Variants in TENM1 observed in about 807,000 individuals in gnomAD.
TENM1 encodes the protein teneurin transmembrane protein 1.
In TENM1, 35 loss-of-function variants were observed where a neutral mutation model predicts 174.8. That is an observed-to-expected ratio of 0.20 (90% CI 0.15 to 0.27). The LOEUF (loss-of-function observed/expected upper bound fraction) is 0.27. Ranked by LOEUF, TENM1 falls within the 10% of genes least tolerant of loss-of-function variation. The pLI is 1.00. For missense variants in TENM1, 1,633 were observed against 2,130.1 expected (o/e 0.77, Z 4.59); for synonymous variants, 781 against 798.7 (o/e 0.98, Z 0.37).
At chrX:124,567,974 G>C (rs2048977258) in intron 11 of TENM1, among the ~76,000 whole-genome samples, 1 of 112,114 alleles carries the variant, frequency 8.9e-6, no homozygotes, top group East Asian at 2.8e-4. Flanking sequence ...CTTAGGCATA[G>C]AGGAGTATAA....
intron 3 of TENM1, among the ~76,000 whole-genome samples, chrX:124,756,752 C>G (rs1242642114): frequency 8.9e-6 from 1 of 111,988 alleles, no homozygotes; most frequent in Non-Finnish European, 1.9e-5. Context: ...TGCTAGAGGT[C>G]CACTCCAGAC....
exon 17 of TENM1, chrX:124,523,493 T>C (rs147986342): frequency 6.6e-6 from 8 of 1,211,200 alleles, no homozygotes; most frequent in Non-Finnish European, 8.9e-6. Context: ...CTGATACAAC[T>C]CTCTGCATGG....
chrX:124,390,800 T>C (rs2060274154), intron 28 of TENM1, among the ~76,000 whole-genome samples: 1 of 112,615 alleles, frequency 8.9e-6, no homozygotes, highest in African/African-American at 3.2e-5. Flanking sequence ...TGGCATTCTG[T>C]AGGCACTAGT....
intron 31 of TENM1, 100 bp downstream of exon 34, chrX:124,382,570 A>C: frequency 6.2e-6 from 5 of 803,574 alleles, no homozygotes; most frequent in South Asian, 5.6e-5. Context: ...ATTCAAGAAG[A>C]CTAAAAAATC....
rs775553112 is a variant in TENM1 at position 124,832,531 on chromosome X, T to C, written c.535+61765A>G. On this transcript the variant is annotated intron_variant, in intron 3 of 31. Transcript: ENST00000422452. ...GGCTTTGGTTTCTTCTTTCATAAAATAGGAATAAAAACAGTATCTATCTCA... is the reference window on the plus strand; with the variant it reads ...GGCTTTGGTTTCTTCTTTCATAAAACAGGAATAAAAACAGTATCTATCTCA... 2.7e-5 allele frequency among the ~76,000 whole-genome samples: 3 copies of C among 111,923 alleles called. No homozygotes were observed. In the South Asian group the frequency reaches 1.1e-3, roughly 42 times the overall value.
chrX:125,076,353 T>TA, the TENM1 span, among the ~76,000 whole-genome samples: 5 of 84,673 alleles, frequency 5.9e-5, no homozygotes, highest in African/African-American at 1.6e-4. Flanking sequence ...CCCAAACTGA[T>TA]AAAAAACTTT....
chrX:125,194,777 C>T, the TENM1 span, among the ~76,000 whole-genome samples: 1 of 111,815 alleles, frequency 8.9e-6, no homozygotes, highest in East Asian at 2.8e-4. Context: ...GATTGGTATT[C>T]CCCATTGCTA....
chrX:124,961,161 C>A (rs1281641463), intron 1 of TENM1, among the ~76,000 whole-genome samples: 3 of 111,619 alleles, frequency 2.7e-5, no homozygotes, highest in Non-Finnish European at 5.6e-5. Flanking sequence ...TTTGACATGG[C>A]AATATTTAAA....
the TENM1 span, among the ~76,000 whole-genome samples, chrX:125,051,734 A>G: frequency 9.6e-6 from 1 of 104,068 alleles, no homozygotes. Flanking sequence ...CTAAAACCAT[A>G]AAAACCCTAG....
intron 3 of TENM1, among the ~76,000 whole-genome samples, chrX:124,876,504 G>A (rs758630704): frequency 1.8e-5 from 2 of 111,017 alleles, no homozygotes; most frequent in African/African-American, 3.3e-5. Flanking sequence ...GATTTATTTC[G>A]TACTTTCCTT....
intron 25 of TENM1, among the ~76,000 whole-genome samples, chrX:124,414,518 ATC>A (rs2060572712): frequency 9.2e-6 from 1 of 109,180 alleles, no homozygotes; most frequent in Non-Finnish European, 1.9e-5. Flanking sequence ...TGCCTTGACA[ATC>A]ACTTCCTTGT....
At chrX:124,745,118 T>C (rs2053886928) in intron 3 of TENM1, among the ~76,000 whole-genome samples, 1 of 111,872 alleles carries the variant, frequency 8.9e-6, no homozygotes, top group Non-Finnish European at 1.9e-5. Context: ...CTTGTCCAAA[T>C]TTTTCAAATA....
intron 16 of TENM1, among the ~76,000 whole-genome samples, 162 bp from the exon 20 acceptor site, chrX:124,523,787 G>A (rs1267658682): frequency 3.6e-5 from 4 of 109,870 alleles, no homozygotes; most frequent in African/African-American, 6.6e-5. Flanking sequence ...TATTCATTCC[G>A]TAGATGACTT....
chrX:124,818,710 GT>G (rs1310962480), intron 3 of TENM1, among the ~76,000 whole-genome samples: 1 of 111,759 alleles, frequency 8.9e-6, no homozygotes, highest in Non-Finnish European at 1.9e-5. Context: ...ACTGTTTTAT[GT>G]ACTGAAATGC....
At chrX:124,819,710 G>A (rs2055992032) in intron 3 of TENM1, among the ~76,000 whole-genome samples, 1 of 110,809 alleles carries the variant, frequency 9.0e-6, no homozygotes, top group South Asian at 3.9e-4. Flanking sequence ...TCAGCACCAC[G>A]AAATTGTCAA....
the TENM1 span, among the ~76,000 whole-genome samples, chrX:124,981,491 C>T: frequency 1.8e-5 from 2 of 111,783 alleles, no homozygotes; most frequent in Non-Finnish European, 3.8e-5. Context: ...TGACATATGG[C>T]ATGCTTGTTG....
Position 124,873,511 on chromosome X carries a change from G to T in TENM1, c.535+20785C>A, listed in dbSNP as rs963777808. ...AATGGAATCGAATAGAAGAGAAAAT[G>T]TCAGAGCATGTTGTTTCATAGTAAG... On this transcript the variant is annotated intron_variant, in intron 3 of 31. Transcript: ENST00000422452. Among the ~76,000 whole-genome samples the T allele has an allele frequency of 4.5e-5, 5 of 111,769 alleles. No homozygotes were observed. The Admixed American group carries it at 4.7e-4, about 11-fold the overall frequency.
intron 6 of TENM1, among the ~76,000 whole-genome samples, chrX:124,660,401 T>G (rs779704786): frequency 9.0e-6 from 1 of 110,591 alleles, no homozygotes; most frequent in Admixed American, 9.6e-5. Flanking sequence ...TTAAAAACTT[T>G]TGTGCTTCAA....
chrX:124,476,357 G>T lies in TENM1; in HGVS notation c.3949+5375C>A, dbSNP rs781511738. ...TTGTGTCTAGACTTTGTTATTCCCAGATTTCTTAATTTCCAATAAAGTTAA... is the reference window on the plus strand; with the variant it reads ...TTGTGTCTAGACTTTGTTATTCCCATATTTCTTAATTTCCAATAAAGTTAA... On this transcript the variant is annotated intron_variant, in intron 22 of 31. Coordinates refer to ENST00000422452, the Ensembl canonical transcript of TENM1. Among the ~76,000 whole-genome samples, 6 of 112,204 alleles carry T rather than the reference G, an allele frequency of 5.3e-5. No individual in the cohort carries two copies. In the South Asian group the frequency reaches 1.5e-3, roughly 28 times the overall value.
Sources: gnomAD v4.1 joint callset for allele counts (sites outside exome capture counted in the v4.1 genomes callset) on GRCh38, gnomAD v4.1.1 for gene constraint, MANE v1.5 for transcripts, NCBI Gene and HGNC (gene_info 2026-07-23, HGNC 2026-07-21) for gene names.